The following GLI3 variants were observed in gnomAD, a reference collection of about 807,000 sequenced individuals.
The protein encoded by GLI3 is GLI family zinc finger 3.
GLI3 carries 20 observed loss-of-function variants against 100.8 expected under a neutral mutation model. That is an observed-to-expected ratio of 0.20 (90% confidence interval 0.14 to 0.29). The LOEUF (loss-of-function observed/expected upper bound fraction) is 0.29, where lower values mean the gene tolerates loss of function less well. Ranked by LOEUF, GLI3 falls within the 10% of genes least tolerant of loss-of-function variation. GLI3 has a pLI of 1.00. For missense variants in GLI3, 2,040 were observed against 2,128.5 expected (o/e 0.96, Z 0.82); for synonymous variants, 938 against 860.5 (o/e 1.09, Z -1.58).
At chr7:42,021,752 C>T (rs1015987893) in intron 10 of GLI3, among the ~76,000 whole-genome samples, 1 of 152,200 alleles carries the variant, frequency 6.6e-6, no homozygotes, top group African/African-American at 2.4e-5. Context: ...AGACTGTCAC[C>T]TTCAGGATAT....
intron 10 of GLI3, among the ~76,000 whole-genome samples, chr7:41,980,198 T>A (rs1395875213): frequency 6.6e-6 from 1 of 152,156 alleles, no homozygotes; most frequent in Non-Finnish European, 1.5e-5. Context: ...ACACAGAAAC[T>A]GCAGTGGTTG....
At chr7:42,189,503 A>C (rs1025643429) in intron 2 of GLI3, among the ~76,000 whole-genome samples, 5 of 152,222 alleles carry the variant, frequency 3.3e-5, no homozygotes. Flanking sequence ...CCATTTTTAA[A>C]AGCTAATCAG....
intron 2 of GLI3, among the ~76,000 whole-genome samples, chr7:42,212,283 T>C (rs1404499374): frequency 6.6e-6 from 1 of 152,208 alleles, no homozygotes; most frequent in East Asian, 1.9e-4. Context: ...ACTCAAAGGA[T>C]TTTAAAATCT....
intron 3 of GLI3, among the ~76,000 whole-genome samples, chr7:42,101,940 G>A (rs1785473296): frequency 6.7e-6 from 1 of 148,642 alleles, no homozygotes; most frequent in South Asian, 2.1e-4. Flanking sequence ...GCGGTGTTTG[G>A]TTTTTTGTTC....
chr7:42,262,839 ACCT>A (rs1789159688), intron 1 of GLI3, among the ~76,000 whole-genome samples: 2 of 152,144 alleles, frequency 1.3e-5, no homozygotes, highest in African/African-American at 4.8e-5. Context: ...TTATCTTTAT[ACCT>A]AAGAGGGATT....
At chr7:42,209,418 T>C (rs918672603) in intron 2 of GLI3, among the ~76,000 whole-genome samples, 1 of 152,238 alleles carries the variant, frequency 6.6e-6, no homozygotes. Flanking sequence ...TCAGTGGCTT[T>C]TAACCCAAGA....
intron 10 of GLI3, among the ~76,000 whole-genome samples, chr7:42,007,521 T>C (rs1000318902): frequency 9.2e-5 from 14 of 152,170 alleles, no homozygotes; most frequent in Admixed American, 1.3e-4. Flanking sequence ...AAAAAACGCC[T>C]TTCCTGGTAT....
At chr7:42,133,947 G>A (rs1786358757) in intron 3 of GLI3, among the ~76,000 whole-genome samples, 1 of 151,972 alleles carries the variant, frequency 6.6e-6, no homozygotes, top group Non-Finnish European at 1.5e-5. Flanking sequence ...CCGGCGTGGT[G>A]TCGCGTGCCC....
Position 41,965,410 on chromosome 7 carries a change from G to A in GLI3, c.3663C>T (p.Asn1221=). The A allele has an allele frequency of 1.2e-6, 2 of 1,609,584 alleles. No homozygotes were observed. The highest frequency in any genetic ancestry group is 2.2e-5 in the East Asian group (1 of 44,748). The change falls in exon 15 of 15, where the codon AAC becomes AAT. Residue 1221 remains asparagine (N), a synonymous_variant. Transcript: ENST00000395925. ...TCAAGTGCTCTGGGCCACCGTAGGG[G>A]TTGCTGTTCTCCCCGAGGGTCTGAT... ...GGYQTLGENS[N]PYGGPEHLML...
chr7:42,056,072 C>T (rs775590875), intron 4 of GLI3, among the ~76,000 whole-genome samples: 1 of 152,164 alleles, frequency 6.6e-6, no homozygotes, highest in Admixed American at 6.5e-5. Flanking sequence ...GTGAGAAGTG[C>T]CTTTCATCTT....
chr7:42,154,107 A>G (rs1452332613), intron 2 of GLI3, among the ~76,000 whole-genome samples: 2 of 152,026 alleles, frequency 1.3e-5, no homozygotes, highest in African/African-American at 4.8e-5. Context: ...AAAAAAAAAG[A>G]AAAGGAATGA....
chr7:42,227,058 A>C (rs1331432433), intron 1 of GLI3, among the ~76,000 whole-genome samples: 2 of 152,218 alleles, frequency 1.3e-5, no homozygotes, highest in African/African-American at 4.8e-5. Context: ...TTTATTTAGA[A>C]CTTAAGCATC....
chr7:41,984,296 A>G (rs1305649910), intron 10 of GLI3, among the ~76,000 whole-genome samples: 2 of 152,064 alleles, frequency 1.3e-5, no homozygotes, highest in South Asian at 2.1e-4. Context: ...TCTGTTCCTA[A>G]CCCTCCAGAT....
intron 3 of GLI3, among the ~76,000 whole-genome samples, chr7:42,137,870 T>C (rs12668912): frequency 0.46 from 69,621 of 152,102 alleles, 17,216 homozygotes; most frequent in East Asian, 0.65. Context: ...AAAAGGTATA[T>C]ATAAAACATA....
chr7:42,158,643 A>G (rs1787060152), intron 2 of GLI3, among the ~76,000 whole-genome samples: 3 of 151,966 alleles, frequency 2.0e-5, no homozygotes, highest in African/African-American at 7.3e-5. Context: ...AGAGCCAAGC[A>G]CTACACCCAG....
intron 6 of GLI3, among the ~76,000 whole-genome samples, chr7:42,042,391 A>G (rs888056145): frequency 6.6e-6 from 1 of 152,106 alleles, no homozygotes; most frequent in Non-Finnish European, 1.5e-5. Context: ...ACTCCTTCAC[A>G]TTTACTCACC....
At chr7:41,976,676 TG>T (rs1787522491) in intron 12 of GLI3, among the ~76,000 whole-genome samples, 1 of 152,212 alleles carries the variant, frequency 6.6e-6, no homozygotes, top group East Asian at 1.9e-4. Flanking sequence ...GCTGTGGTGC[TG>T]AACTATGTCT....
chr7:42,226,263 C>T (rs1420219120), intron 1 of GLI3, among the ~76,000 whole-genome samples: 5 of 152,122 alleles, frequency 3.3e-5, no homozygotes, highest in Admixed American at 3.3e-4. Flanking sequence ...AGAAAAAAAC[C>T]CATTCAGAGA....
chr7:42,106,170 ACCGT>A (rs1785570004), intron 3 of GLI3, among the ~76,000 whole-genome samples: 1 of 152,160 alleles, frequency 6.6e-6, no homozygotes, highest in African/African-American at 2.4e-5. Flanking sequence ...GCCTGGCCTC[ACCGT>A]CCAACAGGCA....
Sources: gnomAD v4.1 joint callset for allele counts (sites outside exome capture counted in the v4.1 genomes callset) on GRCh38, gnomAD v4.1.1 for gene constraint, MANE v1.5 for transcripts, NCBI Gene and HGNC (gene_info 2026-07-23, HGNC 2026-07-21) for gene names.